The following CDH8 variants were observed in gnomAD, a reference collection of about 807,000 sequenced individuals.
CDH8 encodes cadherin-8.
A neutral mutation model predicts 68.1 loss-of-function variants in CDH8; 17 were observed. The observed-to-expected ratio is 0.25, with a 90% confidence interval of 0.17 to 0.37. The LOEUF is 0.37. Among genes scored for constraint, CDH8 ranks in the 10% least tolerant of loss-of-function variants. CDH8 has a pLI of 1.00. For missense variants in CDH8, 763 were observed against 999.3 expected, an observed-to-expected ratio of 0.76 and a Z score of 3.19; for synonymous variants, 372 against 365.1, an observed-to-expected ratio of 1.02 and a Z score of -0.21.
At position 61,789,727 on chromosome 16, in the gene CDH8, G is replaced by A. The variant is rs143997441; in HGVS notation, c.1278-245C>T. 3.6e-3 allele frequency among the ~76,000 whole-genome samples: 545 copies of A among 152,138 alleles called. 2 individuals are homozygous for A. The highest frequency in any genetic ancestry group is 0.013 in the African/African-American group (533 of 41,522). ...TCATAAACTGCCATCAGTTTCAATA[G>A]ACAGCATCTTCAAAAATGGATGCTG... is the stretch of plus-strand genomic sequence containing the variant. On this transcript the variant is annotated intron_variant, in intron 7 of 11. Coordinates refer to ENST00000577390, the MANE Select transcript of CDH8 (RefSeq NM_001796.5).
At chr16:61,932,478 A>AT (rs984689774) in intron 2 of CDH8, among the ~76,000 whole-genome samples, 4 of 152,272 alleles carry the variant, frequency 2.6e-5, no homozygotes, top group South Asian at 4.2e-4. Context: ...GAGTAATGTG[A>AT]TTTTTAATAT....
intron 2 of CDH8, among the ~76,000 whole-genome samples, chr16:61,997,001 ATG>A (rs539962151): frequency 2.2e-4 from 19 of 86,014 alleles, no homozygotes; most frequent in South Asian, 8.2e-4. Context: ...TATTGTGTGT[ATG>A]TGTGTGTGTG....
At chr16:61,743,272 G>C (rs930477015) in intron 8 of CDH8, 3 of 152,102 alleles carry the variant, frequency 2.0e-5, no homozygotes, top group Non-Finnish European at 4.4e-5. Context: ...TCTATCACGG[G>C]AGCACAGCTA....
chr16:61,650,596 T>C lies in CDH8; in HGVS notation c.*3012A>G, dbSNP rs543078947. 2.0e-5 allele frequency: 3 copies of C among 152,100 alleles called. No individual in the cohort carries two copies. The highest frequency in any genetic ancestry group is 6.6e-5 in the Admixed American group (1 of 15,246). 9.4% of individuals were successfully genotyped at this position (152,100 alleles called of 1,614,324 possible). A position where few individuals can be genotyped will look rare whatever the true frequency, so the allele number is the denominator to read the frequency against. ...ATGTTAGGAACCTTATTGATATCTT[T>C]TGGTTGGGAAAGTCCTGGCAAGTCT... On this transcript the variant is annotated 3_prime_UTR_variant, in exon 12 of 12. Coordinates refer to ENST00000577390, the MANE Select transcript of CDH8 (RefSeq NM_001796.5).
intron 2 of CDH8, among the ~76,000 whole-genome samples, chr16:62,009,326 C>T (rs1229227992): frequency 1.3e-5 from 2 of 152,098 alleles, no homozygotes; most frequent in Admixed American, 6.6e-5. Context: ...CAGAGAAGTA[C>T]ATATCTATTT....
At chr16:61,845,264 T>C (rs952032213) in intron 4 of CDH8, among the ~76,000 whole-genome samples, 3 of 152,172 alleles carry the variant, frequency 2.0e-5, no homozygotes, top group African/African-American at 7.2e-5. Context: ...TTTATTATTA[T>C]CTTCATTTAC....
intron 8 of CDH8, among the ~76,000 whole-genome samples, chr16:61,742,067 T>G (rs1959887969): frequency 2.0e-5 from 3 of 152,138 alleles, no homozygotes; most frequent in Admixed American, 2.0e-4. Context: ...TTTTTCTCAG[T>G]AATGTTTTGT....
intron 10 of CDH8, among the ~76,000 whole-genome samples, chr16:61,706,361 T>C (rs1424386889): frequency 2.0e-5 from 3 of 151,966 alleles, no homozygotes; most frequent in Admixed American, 6.5e-5. Flanking sequence ...CTCACGCCTG[T>C]AATCCCAGCA....
chr16:61,956,689 G>GAAATA (rs541789603), intron 2 of CDH8, among the ~76,000 whole-genome samples: 1 of 152,086 alleles, frequency 6.6e-6, no homozygotes, highest in Non-Finnish European at 1.5e-5. Context: ...GTATAAAACA[G>GAAATA]AAATAAAATA....
At chr16:61,663,292 A>G (rs953071341) in intron 10 of CDH8, among the ~76,000 whole-genome samples, 1 of 152,026 alleles carries the variant, frequency 6.6e-6, no homozygotes, top group Admixed American at 6.6e-5. Context: ...TTGATTATGA[A>G]CAAAAATATT....
intron 6 of CDH8, among the ~76,000 whole-genome samples, chr16:61,819,527 T>TAA (rs1962162648): frequency 5.9e-5 from 9 of 152,110 alleles, no homozygotes; most frequent in Non-Finnish European, 1.2e-4. Context: ...TTGTAGTTCT[T>TAA]AATGCTAAAC....
intron 2 of CDH8, among the ~76,000 whole-genome samples, chr16:62,007,773 C>G (rs1299991451): frequency 4.6e-5 from 7 of 152,016 alleles, no homozygotes; most frequent in African/African-American, 1.7e-4. Context: ...TTCCCTCTTT[C>G]TCTCTGGGGA....
chr16:61,898,828 G>A (rs778701431), intron 3 of CDH8, among the ~76,000 whole-genome samples: 78 of 152,164 alleles, frequency 5.1e-4, no homozygotes, highest in Middle Eastern at 6.8e-3. Context: ...TTGTACGTGG[G>A]ATTTGAGAGT....
chr16:61,901,029 G>A (rs988992204), intron 3 of CDH8, 150 bp downstream of exon 3: 13 of 674,846 alleles, frequency 1.9e-5, no homozygotes, highest in South Asian at 1.2e-4. Context: ...ACTGAGCTGT[G>A]GAACTTAGGC....
rs1018920744 is a variant in CDH8, at chr16:61,651,404, A to G, written c.*2204T>C. 6.6e-6 allele frequency: 1 copy of G among 152,198 alleles called. No homozygotes were observed. The highest frequency in any genetic ancestry group is 2.4e-5 in the African/African-American group (1 of 41,448). 9.4% of individuals were successfully genotyped at this position (152,198 alleles called of 1,614,324 possible). A position where few individuals can be genotyped will look rare whatever the true frequency, so the allele number is the denominator to read the frequency against. On this transcript the variant is annotated 3_prime_UTR_variant, in exon 12 of 12. Coordinates refer to ENST00000577390, the MANE Select transcript of CDH8 (RefSeq NM_001796.5). ...ACTTATTCTCAGCAACAGAAACTCA[A>G]TAAAAAGTTGATTAAGCCACCGGAT...
chr16:61,914,915 A>T (rs1243991767), intron 2 of CDH8, among the ~76,000 whole-genome samples: 4 of 152,200 alleles, frequency 2.6e-5, no homozygotes, highest in African/African-American at 9.7e-5. Flanking sequence ...AACTGACAGA[A>T]TTATAAGATA....
intron 10 of CDH8, among the ~76,000 whole-genome samples, chr16:61,686,813 G>A (rs1348183278): frequency 6.6e-6 from 1 of 151,914 alleles, no homozygotes; most frequent in Non-Finnish European, 1.5e-5. Flanking sequence ...AGCAGTATGT[G>A]TTTGGAAATT....
intron 2 of CDH8, among the ~76,000 whole-genome samples, chr16:61,961,989 G>A (rs975505525): frequency 8.5e-5 from 13 of 152,198 alleles, no homozygotes; most frequent in African/African-American, 2.4e-4. Context: ...CACATATTTT[G>A]TATATTATAG....
intron 3 of CDH8, among the ~76,000 whole-genome samples, chr16:61,861,876 G>C (rs559505879): frequency 1.3e-5 from 2 of 152,086 alleles, no homozygotes; most frequent in East Asian, 1.9e-4. Context: ...TTGACACTAC[G>C]AGCTTACTGT....
Sources: allele counts gnomAD v4.1 joint callset (sites outside exome capture counted in the v4.1 genomes callset), GRCh38; gene constraint gnomAD v4.1.1; transcripts MANE v1.5; gene names NCBI Gene and HGNC (gene_info 2026-07-23, HGNC 2026-07-21).